REPS2: variants seen among roughly 807,000 people sequenced by gnomAD.
The protein encoded by REPS2 is ralBP1-associated Eps domain-containing protein 2.
A neutral mutation model predicts 53.6 loss-of-function variants in REPS2; 23 were observed. The observed-to-expected ratio is 0.43, with a 90% CI of 0.31 to 0.61. REPS2 has a LOEUF of 0.61. Ranked by LOEUF, REPS2 falls within the 20% of genes least tolerant of loss-of-function variation. REPS2 has a pLI of 0.11. For missense variants in REPS2, 446 were observed against 534.9 expected (o/e 0.83, Z 1.64); for synonymous variants, 238 against 218.6 (o/e 1.09, Z -0.78).
intron 6 of REPS2, among the ~76,000 whole-genome samples, chrX:17,051,344 A>G (rs1045009270): frequency 8.9e-6 from 1 of 112,071 alleles, no homozygotes; most frequent in Non-Finnish European, 1.9e-5. Flanking sequence ...TTTCTTTGAT[A>G]CACTGATTTC....
intron 14 of REPS2, among the ~76,000 whole-genome samples, chrX:17,111,754 C>G (rs1286093603): frequency 2.7e-5 from 3 of 111,719 alleles, no homozygotes; most frequent in Non-Finnish European, 5.6e-5. Flanking sequence ...TCTCATGGAC[C>G]TATCGCCCCT....
the REPS2 span, among the ~76,000 whole-genome samples, chrX:17,193,022 A>G: frequency 3.6e-5 from 4 of 112,528 alleles, no homozygotes; most frequent in African/African-American, 1.3e-4. Flanking sequence ...CCCACTGTGA[A>G]CGTTTGAGTT....
chrX:17,165,645 G>A, the REPS2 span, among the ~76,000 whole-genome samples: 27 of 111,488 alleles, frequency 2.4e-4, no homozygotes, highest in South Asian at 4.2e-3. Flanking sequence ...TACTTGGAAC[G>A]TGCTTTTTGC....
chrX:17,140,443 G>A (rs752760165), intron 17 of REPS2, among the ~76,000 whole-genome samples: 111 of 110,247 alleles, frequency 1.0e-3, no homozygotes, highest in Middle Eastern at 9.3e-3. Context: ...CAATATTTTA[G>A]TATGAAAATT....
At chrX:17,100,702 T>C (rs1416203010) in intron 13 of REPS2, among the ~76,000 whole-genome samples, 1 of 112,379 alleles carries the variant, frequency 8.9e-6, no homozygotes, top group Non-Finnish European at 1.9e-5. Context: ...ACTTTTACAG[T>C]AGATAATTCT....
intron 1 of REPS2, among the ~76,000 whole-genome samples, chrX:16,965,648 C>T (rs1191438470): frequency 4.4e-5 from 5 of 112,445 alleles, no homozygotes; most frequent in African/African-American, 1.6e-4. Flanking sequence ...CAGAGACGCT[C>T]CTCACTTCCC....
chrX:16,968,510 G>A (rs1259521451), intron 1 of REPS2, among the ~76,000 whole-genome samples: 7 of 94,807 alleles, frequency 7.4e-5, no homozygotes, highest in African/African-American at 1.6e-4. Context: ...GCGGCTGGCC[G>A]GGCGGGGGGC....
intron 13 of REPS2, among the ~76,000 whole-genome samples, chrX:17,092,822 T>A (rs1234976240): frequency 9.4e-6 from 1 of 105,871 alleles, no homozygotes; most frequent in African/African-American, 3.5e-5. Flanking sequence ...AAGTATTTTT[T>A]AAATTTCACT....
At chrX:17,047,794 C>A (rs1292212109) in intron 6 of REPS2, among the ~76,000 whole-genome samples, 1 of 112,760 alleles carries the variant, frequency 8.9e-6, no homozygotes, top group East Asian at 2.8e-4. Context: ...ATTGCTTCCT[C>A]GTTATATTAG....
intron 13 of REPS2, among the ~76,000 whole-genome samples, chrX:17,091,463 T>G (rs951589898): frequency 8.9e-6 from 1 of 112,106 alleles, no homozygotes; most frequent in Admixed American, 9.5e-5. Context: ...AAGGTCATTT[T>G]ATTTCTCCAG....
chrX:17,070,018 CT>C, intron 11 of REPS2, 25 bp downstream of exon 11: 1 of 855,020 alleles, frequency 1.2e-6, no homozygotes, highest in Non-Finnish European at 1.6e-6. Context: ...TTTTTGTATA[CT>C]TTATATATAA....
the REPS2 span, among the ~76,000 whole-genome samples, chrX:17,160,038 T>G: frequency 1.8e-5 from 2 of 112,601 alleles, no homozygotes; most frequent in South Asian, 7.3e-4. Flanking sequence ...CCTTGAGAAG[T>G]GAAGTGACTT....
At chrX:17,131,055 A>G (rs1162867181) in intron 14 of REPS2, among the ~76,000 whole-genome samples, 1 of 112,008 alleles carries the variant, frequency 8.9e-6, no homozygotes, top group Non-Finnish European at 1.9e-5. Context: ...AGAAGTCAGG[A>G]ATATTGAGTG....
At chrX:16,965,326 A>C (rs1175784032) in intron 1 of REPS2, among the ~76,000 whole-genome samples, 1 of 94,538 alleles carries the variant, frequency 1.1e-5, no homozygotes. Context: ...TGACCCCCCC[A>C]CCTCCCTCCC....
chrX:16,966,225 T>G (rs1322474884), intron 1 of REPS2, among the ~76,000 whole-genome samples: 2 of 112,401 alleles, frequency 1.8e-5, no homozygotes, highest in African/African-American at 6.5e-5. Context: ...GAGTATTGAT[T>G]TAATTGTAAT....
chrX:17,143,033 G>C (rs1395505089), intron 17 of REPS2, among the ~76,000 whole-genome samples: 1 of 112,243 alleles, frequency 8.9e-6, no homozygotes, highest in African/African-American at 3.2e-5. Flanking sequence ...ATGAAACTCA[G>C]ACATTATGCA....
Position 17,148,696 on chromosome X carries a change from C to A in REPS2, c.*1215C>A, listed in dbSNP as rs987119317. ...CAGTATCCTACAGAAATTTAAGTAGCTACTGCTTCTCCTGAAAGCCCAAGT... is the reference window on the plus strand; with the variant it reads ...CAGTATCCTACAGAAATTTAAGTAGATACTGCTTCTCCTGAAAGCCCAAGT... On this transcript the variant is annotated 3_prime_UTR_variant, in exon 18 of 18. Coordinates refer to ENST00000357277, the MANE Select transcript of REPS2 (RefSeq NM_004726.3). The A allele has an allele frequency of 5.4e-6, 1 of 184,862 alleles. No individual in the cohort carries two copies. The allele number at this position is 184,862 out of a possible 1,213,427, so 15.2% of individuals were successfully genotyped here. A position where few individuals can be genotyped will look rare whatever the true frequency, so the allele number is the denominator to read the frequency against.
At chrX:17,140,552 C>T (rs1351974870) in intron 17 of REPS2, among the ~76,000 whole-genome samples, 1 of 110,702 alleles carries the variant, frequency 9.0e-6, no homozygotes, top group Non-Finnish European at 1.9e-5. Flanking sequence ...TTTTTAATCA[C>T]ATATCTACCC....
At chrX:16,972,461 T>A (rs1157496923) in intron 1 of REPS2, among the ~76,000 whole-genome samples, 2 of 112,046 alleles carry the variant, frequency 1.8e-5, no homozygotes, top group African/African-American at 6.5e-5. Flanking sequence ...TCATATCTTA[T>A]TTGGCTTTTT....
Sources: allele counts gnomAD v4.1 joint callset (sites outside exome capture counted in the v4.1 genomes callset), GRCh38; gene constraint gnomAD v4.1.1; transcripts MANE v1.5; gene names NCBI Gene and HGNC (gene_info 2026-07-23, HGNC 2026-07-21).